The following AGO2 variants were observed in gnomAD, a reference collection of about 807,000 sequenced individuals.
AGO2 encodes argonaute RISC catalytic component 2, also known as protein argonaute-2.
Under a neutral mutation model 102.3 loss-of-function variants are expected in AGO2, and 5 were observed. That is an observed-to-expected ratio of 0.05 (90% CI 0.03 to 0.10). The LOEUF (loss-of-function observed/expected upper bound fraction) is 0.10. AGO2 is among the 10% of genes least tolerant of loss of function. AGO2 has a pLI of 1.00. For missense variants in AGO2, 541 were observed against 1,183.7 expected (o/e 0.46, Z 7.97); for synonymous variants, 449 against 473.1 (o/e 0.95, Z 0.66).
At chr8:140,639,960 CAA>C (rs1563666457), upstream of AGO2, among the ~76,000 whole-genome samples, 1 of 152,154 alleles carries the variant, frequency 6.6e-6, no homozygotes, top group Non-Finnish European at 1.5e-5. Flanking sequence ...CATCTCTAGA[CAA>C]GAGGTACTTC....
In AGO2 at chr8:140,531,121, CAT is replaced by C. The variant is rs1233445353; in HGVS notation, c.*921_*922del. On this transcript the variant is annotated 3_prime_UTR_variant, in exon 19 of 19. Coordinates refer to ENST00000220592, the MANE Select transcript of AGO2 (RefSeq NM_012154.5). ...TGCCAAACAGATCACAGAAGCACCC[CAT>C]AGTCAATAAAATGAAAAAACAGCAT... The C allele has an allele frequency of 6.6e-6, 1 of 152,450 alleles. No homozygotes were observed. Among genetic ancestry groups the C allele is most frequent in the Non-Finnish European group, 1.5e-5 (1 of 68,044 alleles). 9.4% of individuals were successfully genotyped at this position (152,450 alleles called of 1,614,324 possible). A position where few individuals can be genotyped will look rare whatever the true frequency, so the allele number is the denominator to read the frequency against.
At chr8:140,575,168 C>T (rs912878132) in intron 2 of AGO2, among the ~76,000 whole-genome samples, 1 of 152,156 alleles carries the variant, frequency 6.6e-6, no homozygotes, top group South Asian at 2.1e-4. Flanking sequence ...GGAACAGCCC[C>T]GAAGGCCGTC....
At chr8:140,534,903 C>T (rs529282863) in intron 17 of AGO2, among the ~76,000 whole-genome samples, 54 of 152,302 alleles carry the variant, frequency 3.5e-4, no homozygotes, top group East Asian at 2.1e-3. Flanking sequence ...TCCCAAGAAT[C>T]GCCTTGGGTC....
At position 140,541,191 on chromosome 8, in the gene AGO2, G is replaced by T; in HGVS notation, c.2007C>A (p.Asp669Glu). 1 of 1,577,944 alleles carries T rather than the reference G, an allele frequency of 6.3e-7. No homozygotes were observed. The highest frequency in any genetic ancestry group is 8.6e-7 in the Non-Finnish European group (1 of 1,161,724). ...GCTGGAACTGGCCTTCAGAGACACC[G>T]TCGCGGTAGAAGATGATGCGGGTGG... ...FKPTRIIFYRDGVSEGQFQQV... is the reference protein window; with the variant it reads ...FKPTRIIFYREGVSEGQFQQV... The change falls in exon 15 of 19, where the codon GAC (aspartate) becomes GAA (glutamate). Residue 669 changes from aspartate to glutamate, a missense_variant. Asp to Glu is a conservative substitution (Grantham distance 45, BLOSUM62 2). Transcript: ENST00000220592.
chr8:140,535,664 C>A, intron 16 of AGO2, 95 bp from the exon 17 acceptor site: 1 of 1,220,334 alleles, frequency 8.2e-7, no homozygotes, highest in South Asian at 1.2e-5. Flanking sequence ...GCCAGGGTGC[C>A]CTATTTTGAA....
At position 140,560,521 on chromosome 8, in the gene AGO2, G is replaced by C; in HGVS notation, c.519-11C>G. ...CCCACGGGGGTGTACCTGGAACCAA[G>C]AGACCCCACCCCGCCTCCCGTCAGA... On this transcript the variant is annotated splice_polypyrimidine_tract_variant and intron_variant, in intron 4 of 18. Coordinates refer to ENST00000220592, the MANE Select transcript of AGO2 (RefSeq NM_012154.5). The C allele has an allele frequency of 6.2e-7, 1 of 1,606,218 alleles. No homozygotes were observed. Among genetic ancestry groups the C allele is most frequent in the South Asian group, 1.1e-5 (1 of 90,890 alleles).
At chr8:140,597,054 C>CA (rs767616527) in intron 1 of AGO2, among the ~76,000 whole-genome samples, 5 of 152,156 alleles carry the variant, frequency 3.3e-5, no homozygotes, top group Non-Finnish European at 7.3e-5. Flanking sequence ...ACTAAAGCCA[C>CA]AAAATGGGTT....
chr8:140,561,837 C>T (rs759416921), intron 4 of AGO2, among the ~76,000 whole-genome samples: 5 of 152,192 alleles, frequency 3.3e-5, no homozygotes, highest in South Asian at 2.1e-4. Context: ...AACTTGTTCC[C>T]GGGCACCAGT....
intron 1 of AGO2, among the ~76,000 whole-genome samples, chr8:140,625,501 T>A (rs1019490687): frequency 6.6e-6 from 1 of 152,082 alleles, no homozygotes; most frequent in Non-Finnish European, 1.5e-5. Flanking sequence ...TGGTCTTTCA[T>A]CCCTCGTATC....
At chr8:140,623,464 G>A (rs938411840) in intron 1 of AGO2, among the ~76,000 whole-genome samples, 4 of 152,232 alleles carry the variant, frequency 2.6e-5, no homozygotes, top group Non-Finnish European at 5.9e-5. Context: ...CTCCAGCCTT[G>A]GCCTGTCTCC....
chr8:140,572,828 G>A lies in AGO2; in HGVS notation c.320C>T (p.Pro107Leu), dbSNP rs773613021. The A allele has an allele frequency of 4.3e-6, 7 of 1,612,352 alleles. No homozygotes were observed. Among genetic ancestry groups the A allele is most frequent in the Middle Eastern group, 1.6e-4 (1 of 6,074 alleles). ...CGAGCTTACCTTGTCCCTCCCAATCGGAAGGGGCATGGCTGTGTATAGATT... is the reference window on the plus strand; with the variant it reads ...CGAGCTTACCTTGTCCCTCCCAATCAGAAGGGGCATGGCTGTGTATAGATT... ...RKNLYTAMPLPIGRDKVELEV... is the reference protein window; with the variant it reads ...RKNLYTAMPLLIGRDKVELEV... The change falls in exon 3 of 19, where the codon CCG (proline) becomes CTG (leucine). Residue 107 changes from proline (P) to leucine (L), a missense_variant. Around this residue, in one of 6 missense-constraint regions of AGO2, gnomAD observed 147 missense variants for 204.1 expected, o/e 0.72. Transcript: ENST00000220592.
intron 2 of AGO2, among the ~76,000 whole-genome samples, chr8:140,583,791 C>T (rs2073598101): frequency 1.3e-5 from 2 of 152,228 alleles, no homozygotes; most frequent in Non-Finnish European, 2.9e-5. Context: ...AGGAGAATCA[C>T]TTGAACCCAG....
At chr8:140,610,035 A>C (rs1322586688) in intron 1 of AGO2, among the ~76,000 whole-genome samples, 3 of 8,394 alleles carry the variant, frequency 3.6e-4, no homozygotes, top group Non-Finnish European at 1.0e-3. Context: ...CTCTAAAAAA[A>C]AAAAAAAAAA....
At chr8:140,625,273 T>C (rs1431131686) in intron 1 of AGO2, among the ~76,000 whole-genome samples, 2 of 152,134 alleles carry the variant, frequency 1.3e-5, no homozygotes, top group Non-Finnish European at 2.9e-5. Flanking sequence ...GCCCGGCTAA[T>C]TTTTGTATTT....
intron 1 of AGO2, among the ~76,000 whole-genome samples, chr8:140,618,616 T>C (rs938727666): frequency 3.3e-5 from 5 of 152,156 alleles, no homozygotes; most frequent in Non-Finnish European, 5.9e-5. Context: ...TGTCCACCCA[T>C]GTATAGAAAT....
At position 140,544,083 on chromosome 8, in the gene AGO2, C is replaced by T. The variant is rs535389232; in HGVS notation, c.1839+130G>A. ...CACCTCTCTCCCACAAGACCCCGGCCGTCCCTACCGCAGCTTAGTGAGACC... is the reference window on the plus strand; with the variant it reads ...CACCTCTCTCCCACAAGACCCCGGCTGTCCCTACCGCAGCTTAGTGAGACC... On this transcript the variant is annotated intron_variant, in intron 14 of 18. Coordinates refer to ENST00000220592, the MANE Select transcript of AGO2 (RefSeq NM_012154.5). The T allele has an allele frequency of 4.6e-4, 444 of 970,290 alleles. 3 individuals carry two copies. The African/African-American group carries it at 6.6e-3, about 14-fold the overall frequency. The allele number at this position is 970,290 out of a possible 1,614,324, so 60.1% of individuals were successfully genotyped here. A position where few individuals can be genotyped will look rare whatever the true frequency, so the allele number is the denominator to read the frequency against.
chr8:140,603,795 T>C (rs7016981), intron 1 of AGO2, among the ~76,000 whole-genome samples: 53,147 of 152,146 alleles, frequency 0.35, 9,861 homozygotes, highest in African/African-American at 0.46. Flanking sequence ...TCCTTGTGTC[T>C]TCACCCTCCA....
At chr8:140,565,558 T>C (rs1011933307) in intron 3 of AGO2, among the ~76,000 whole-genome samples, 1 of 150,428 alleles carries the variant, frequency 6.6e-6, no homozygotes, top group African/African-American at 2.5e-5. Context: ...GGAGAATCAT[T>C]TGAACCCAGG....
intron 14 of AGO2, among the ~76,000 whole-genome samples, chr8:140,542,138 G>A (rs543779322): frequency 6.6e-6 from 1 of 152,192 alleles, no homozygotes; most frequent in African/African-American, 2.4e-5. Flanking sequence ...ACGGCTCTGC[G>A]GTTCTCTGTC....
Sources: gnomAD v4.1 joint callset for allele counts (sites outside exome capture counted in the v4.1 genomes callset) on GRCh38, gnomAD v4.1.1 for gene constraint, gnomAD v4.1.1 regional missense constraint, MANE v1.5 for transcripts, NCBI Gene and HGNC (gene_info 2026-07-23, HGNC 2026-07-21) for gene names.